The following RP1 variants were observed in gnomAD, a reference collection of about 807,000 sequenced individuals.
RP1 encodes the protein oxygen-regulated protein 1.
A neutral mutation model predicts 14.8 loss-of-function variants in RP1; 16 were observed. That is an observed-to-expected ratio of 1.08 (90% CI 0.73 to 1.65). The LOEUF is 1.65. Ranked by LOEUF, RP1 falls within the 40% of genes most tolerant of loss-of-function variation. The probability of loss-of-function intolerance (pLI) is 0.00; values close to 1 mark genes in which losing one functional copy is unlikely to be tolerated. For missense variants in RP1, 2,631 were observed against 2,535.0 expected (o/e 1.04, Z -0.81); for synonymous variants, 876 against 883.6 (o/e 0.99, Z 0.15).
intron 1 of RP1, among the ~76,000 whole-genome samples, chr8:54,582,145 T>G (rs1454557251): frequency 1.3e-5 from 2 of 152,232 alleles, no homozygotes; most frequent in African/African-American, 2.4e-5. Flanking sequence ...GGTCTAACAT[T>G]TACGTCTTTA....
At chr8:54,791,838 G>A (rs1340752158) in intron 24 of RP1, among the ~76,000 whole-genome samples, 2 of 151,882 alleles carry the variant, frequency 1.3e-5, no homozygotes, top group African/African-American at 2.4e-5. Flanking sequence ...TAACCAAATG[G>A]CAAAGATACG....
intron 24 of RP1, among the ~76,000 whole-genome samples, chr8:54,802,379 T>C (rs556871295): frequency 1.6e-3 from 241 of 152,346 alleles, no homozygotes; most frequent in East Asian, 7.7e-4. Context: ...TGTTTAATCA[T>C]GGCATTCAAT....
intron 1 of RP1, 139 bp downstream of exon 1, chr8:54,616,341 A>G (rs1805714706): frequency 6.6e-6 from 1 of 152,194 alleles, no homozygotes; most frequent in Admixed American, 6.5e-5. Flanking sequence ...GTTATTAATA[A>G]TTATCTTTTA....
chr8:54,589,633 C>T (rs1805001284), intron 1 of RP1, among the ~76,000 whole-genome samples: 1 of 152,072 alleles, frequency 6.6e-6, no homozygotes, highest in African/African-American at 2.4e-5. Context: ...CTTTGCTGGC[C>T]CTCCCACTTG....
At chr8:54,808,787 C>T (rs1810918719) in intron 24 of RP1, among the ~76,000 whole-genome samples, 1 of 152,150 alleles carries the variant, frequency 6.6e-6, no homozygotes, top group African/African-American at 2.4e-5. Context: ...TAGTTGCTTA[C>T]CTCTTTGTTC....
intron 24 of RP1, among the ~76,000 whole-genome samples, chr8:54,828,879 C>CTTTTTTT (rs1221884946): frequency 9.3e-6 from 1 of 107,414 alleles, no homozygotes; most frequent in African/African-American, 3.6e-5. Context: ...TCTTCTTCTT[C>CTTTTTTT]TTCTTTTTTT....
intron 24 of RP1, among the ~76,000 whole-genome samples, chr8:54,808,367 C>T (rs1175545171): frequency 6.6e-6 from 1 of 152,250 alleles, no homozygotes; most frequent in Non-Finnish European, 1.5e-5. Context: ...AGCCCACTGT[C>T]CAGGATCCCT....
At chr8:54,796,116 G>T (rs1810571070) in intron 24 of RP1, among the ~76,000 whole-genome samples, 1 of 152,166 alleles carries the variant, frequency 6.6e-6, no homozygotes, top group South Asian at 2.1e-4. Flanking sequence ...TGATAGGTGT[G>T]AGTATTGGAA....
Position 54,627,419 on chromosome 8 carries a change from G to C in RP1, c.3537G>C (p.Leu1179Phe). ...HIAITEEADD[L>F]KAAVANLVES... ...CTATCACAGAGGAAGCTGATGACTT[G>C]AAAGCTGCTGTTGCCAATTTAGTGG... The change falls in exon 4 of 4, where the codon TTG becomes TTC. Residue 1179 changes from leucine to phenylalanine, a missense_variant. Coordinates refer to ENST00000220676, the MANE Select transcript of RP1 (RefSeq NM_006269.2). 6.2e-7 allele frequency: 1 copy of C among 1,614,154 alleles called. No homozygotes were observed. Among genetic ancestry groups the C allele is most frequent in the Non-Finnish European group, 8.5e-7 (1 of 1,179,988 alleles).
At chr8:54,633,818 A>T (rs1806298469), downstream of RP1, among the ~76,000 whole-genome samples, 1 of 150,870 alleles carries the variant, frequency 6.6e-6, no homozygotes, top group Non-Finnish European at 1.5e-5. Flanking sequence ...GAAGGTGACA[A>T]ACAGTTTGAG....
At chr8:54,653,752 A>G (rs1806701651) in intron 5 of RP1, among the ~76,000 whole-genome samples, 1 of 152,196 alleles carries the variant, frequency 6.6e-6, no homozygotes, top group Non-Finnish European at 1.5e-5. Flanking sequence ...ATTCAAAATT[A>G]CTACCTGGCT....
intron 24 of RP1, among the ~76,000 whole-genome samples, chr8:54,788,470 C>T (rs559552073): frequency 5.3e-5 from 8 of 150,790 alleles, no homozygotes; most frequent in South Asian, 2.1e-4. Flanking sequence ...CCATTCTTTC[C>T]TTTTTTTTTG....
intron 27 of RP1, among the ~76,000 whole-genome samples, chr8:54,862,920 T>A (rs1469216562): frequency 6.6e-6 from 1 of 152,046 alleles, no homozygotes; most frequent in East Asian, 1.9e-4. Flanking sequence ...TAGTTAGTGT[T>A]ATTTTTAATG....
In RP1 at chr8:54,794,970, C is replaced by T. The variant is rs1198987604; in HGVS notation, c.3615+11260C>T. Among the ~76,000 whole-genome samples the T allele has an allele frequency of 5.3e-5, 8 of 151,750 alleles. No individual in the cohort carries two copies. The East Asian group carries it at 1.5e-3, about 29-fold the overall frequency. On this transcript the variant is annotated intron_variant, in intron 24 of 28. Coordinates refer to the RP1 transcript ENST00000637698. ...TTTCCCAAAGAAGACATAGAAATGG[C>T]CAACATGTACACAAAAAGGTGCTCA...
chr8:54,587,196 C>T (rs1804950938), intron 1 of RP1, among the ~76,000 whole-genome samples: 2 of 152,186 alleles, frequency 1.3e-5, no homozygotes, highest in Non-Finnish European at 2.9e-5. Context: ...GAATGCACAT[C>T]TTGCAGAACA....
intron 24 of RP1, among the ~76,000 whole-genome samples, chr8:54,815,703 T>G (rs946251971): frequency 7.2e-5 from 11 of 152,024 alleles, no homozygotes; most frequent in African/African-American, 2.4e-4. Context: ...GTATGTGTGT[T>G]TGGTGTTTGT....
intron 12 of RP1, among the ~76,000 whole-genome samples, chr8:54,685,979 C>T (rs1807555479): frequency 6.6e-6 from 1 of 152,318 alleles, no homozygotes; most frequent in African/African-American, 2.4e-5. Context: ...CAGCAGCCAT[C>T]ACCAACTGCT....
intron 24 of RP1, among the ~76,000 whole-genome samples, chr8:54,832,956 G>A (rs1811567966): frequency 6.6e-6 from 1 of 151,968 alleles, no homozygotes; most frequent in African/African-American, 2.4e-5. Flanking sequence ...AAACTTTAAA[G>A]TCTTTTTCTA....
chr8:54,687,147 A>T (rs1807584283), intron 12 of RP1, among the ~76,000 whole-genome samples: 1 of 152,160 alleles, frequency 6.6e-6, no homozygotes, highest in African/African-American at 2.4e-5. Flanking sequence ...GAATCAGGAA[A>T]GTAAAAGTCT....
Sources: allele counts gnomAD v4.1 joint callset (sites outside exome capture counted in the v4.1 genomes callset), GRCh38; gene constraint gnomAD v4.1.1; transcripts MANE v1.5; gene names NCBI Gene and HGNC (gene_info 2026-07-23, HGNC 2026-07-21).